The following GALNT13 variants were observed in gnomAD, a reference collection of about 807,000 sequenced individuals.
GALNT13 encodes polypeptide N-acetylgalactosaminyltransferase 13, also known as UDP-GalNAc:polypeptide N-acetylgalactosaminyltransferase 13.
GALNT13 carries 28 observed loss-of-function variants against 64.2 expected under a neutral mutation model. The observed-to-expected ratio is 0.44, with a 90% CI of 0.32 to 0.60. The LOEUF is 0.60. Among genes scored for constraint, GALNT13 ranks in the 20% least tolerant of loss-of-function variants. The pLI, the probability that GALNT13 is intolerant of heterozygous loss-of-function variation, is 0.05. For missense variants in GALNT13, 577 were observed against 669.8 expected (o/e 0.86, Z 1.53); for synonymous variants, 214 against 224.6 (o/e 0.95, Z 0.42).
intron 3 of GALNT13, among the ~76,000 whole-genome samples, chr2:154,084,938 G>A (rs2105423810): frequency 6.6e-6 from 1 of 151,858 alleles, no homozygotes; most frequent in South Asian, 2.1e-4. Flanking sequence ...TCCTCAGTAA[G>A]GCAATTTAAT....
chr2:154,127,092 G>A (rs889079583), intron 3 of GALNT13, among the ~76,000 whole-genome samples: 1 of 151,926 alleles, frequency 6.6e-6, no homozygotes, highest in Non-Finnish European at 1.5e-5. Flanking sequence ...TTAAAAAAAA[G>A]TTTCATATTA....
At chr2:154,129,819 T>A (rs570344060) in intron 3 of GALNT13, among the ~76,000 whole-genome samples, 1 of 152,146 alleles carries the variant, frequency 6.6e-6, no homozygotes, top group Non-Finnish European at 1.5e-5. Flanking sequence ...GCGAGAGGAC[T>A]GTTAATGTAC....
chr2:153,902,123 A>G (rs956750959), intron 2 of GALNT13, among the ~76,000 whole-genome samples: 1 of 152,078 alleles, frequency 6.6e-6, no homozygotes, highest in African/African-American at 2.4e-5. Context: ...ACCCCTGTAC[A>G]CTTTATTTCT....
chr2:153,153,770 G>A, the GALNT13 span, among the ~76,000 whole-genome samples: 1 of 133,668 alleles, frequency 7.5e-6, no homozygotes, highest in Non-Finnish European at 1.6e-5. Context: ...GTCTGTTTTT[G>A]TACCTGTACC....
chr2:154,397,544 G>T (rs1574232962), intron 10 of GALNT13, among the ~76,000 whole-genome samples: 1 of 152,194 alleles, frequency 6.6e-6, no homozygotes, highest in Admixed American at 6.5e-5. Context: ...TAGAATATCT[G>T]AAAATGTATA....
chr2:154,337,245 C>T (rs892211409), intron 9 of GALNT13, among the ~76,000 whole-genome samples: 1 of 151,972 alleles, frequency 6.6e-6, no homozygotes, highest in Non-Finnish European at 1.5e-5. Context: ...ACCAAGTAAA[C>T]TTAAAATGTG....
At chr2:153,728,084 T>A in the GALNT13 span, among the ~76,000 whole-genome samples, 1 of 152,346 alleles carries the variant, frequency 6.6e-6, no homozygotes, top group African/African-American at 2.4e-5. Context: ...TCATTCTTTT[T>A]TATGGCTGCA....
chr2:154,319,658 C>A (rs13382192), intron 9 of GALNT13, among the ~76,000 whole-genome samples: 15 of 141,338 alleles, frequency 1.1e-4, no homozygotes, highest in African/African-American at 3.9e-4. Flanking sequence ...AAGCAAGACT[C>A]TGAAAAAAAA....
the GALNT13 span, among the ~76,000 whole-genome samples, chr2:153,095,177 C>G: frequency 6.6e-6 from 1 of 152,164 alleles, no homozygotes; most frequent in South Asian, 2.1e-4. Flanking sequence ...ACAAAGAACT[C>G]CAACAAATTT....
At chr2:153,304,454 T>A in the GALNT13 span, among the ~76,000 whole-genome samples, 1 of 152,152 alleles carries the variant, frequency 6.6e-6, no homozygotes, top group Non-Finnish European at 1.5e-5. Context: ...GTTACTCAAG[T>A]ATTCTCCAAT....
At chr2:154,073,366 A>C (rs1422483306) in intron 3 of GALNT13, among the ~76,000 whole-genome samples, 5 of 151,980 alleles carry the variant, frequency 3.3e-5, no homozygotes, top group African/African-American at 1.2e-4. Flanking sequence ...TTCTGTGAAA[A>C]TATAGGAAGT....
rs1690545960 is a variant in GALNT13, at chr2:154,259,066, C to T, written c.903C>T (p.Tyr301=). Residue 301 remains tyrosine, a synonymous_variant, in exon 8 of 13, where the codon TAC becomes TAT. Transcript: ENST00000392825. ...AGGLFSIDRN[Y]FEEIGTYDAG... is the part of the protein sequence containing the mutation. The stretch of plus-strand genomic sequence containing the variant: ...GCCTATTTTCTATTGACAGAAACTA[C>T]TTTGAAGAGATAGGAACTTACGATG... 2 of 1,609,910 alleles carry T rather than the reference C, an allele frequency of 1.2e-6. No homozygotes were observed. Among genetic ancestry groups the T allele is most frequent in the East Asian group, 4.5e-5 (2 of 44,762 alleles).
chr2:154,029,658 C>G (rs1246911951), intron 3 of GALNT13, among the ~76,000 whole-genome samples: 1 of 151,958 alleles, frequency 6.6e-6, no homozygotes, highest in Non-Finnish European at 1.5e-5. Context: ...ACAAAATGTA[C>G]AAGACGTGTA....
the GALNT13 span, among the ~76,000 whole-genome samples, chr2:153,399,973 T>G: frequency 3.3e-5 from 5 of 151,220 alleles, no homozygotes; most frequent in East Asian, 5.8e-4. Flanking sequence ...TGAATAGGAG[T>G]GGTGAGAGAG....
At chr2:154,024,153 G>A (rs1429708584) in intron 3 of GALNT13, among the ~76,000 whole-genome samples, 1 of 151,984 alleles carries the variant, frequency 6.6e-6, no homozygotes, top group Non-Finnish European at 1.5e-5. Context: ...CAACTTTGGT[G>A]AATCTGACAG....
At position 154,137,115 on chromosome 2, in the gene GALNT13, G is replaced by A. The variant is rs183016271; in HGVS notation, c.143-3222G>A. Among the ~76,000 whole-genome samples the A allele has an allele frequency of 2.8e-3, 419 of 151,254 alleles. 1 individual carries two copies. The highest frequency in any genetic ancestry group is 3.4e-3 in the South Asian group (16 of 4,740). On this transcript the variant is annotated intron_variant, in intron 3 of 12. Transcript: ENST00000392825. Reference sequence around the variant, plus strand: ...CAGTGATAAGTCACAACACCCAACTGCTTATTCTTTCCCATTTGTTATTTA... The same window carrying A: ...CAGTGATAAGTCACAACACCCAACTACTTATTCTTTCCCATTTGTTATTTA...
chr2:154,225,525 A>G (rs1043619756), intron 4 of GALNT13, among the ~76,000 whole-genome samples: 38 of 152,102 alleles, frequency 2.5e-4, no homozygotes, highest in African/African-American at 8.7e-4. Flanking sequence ...AGCTCCAAGT[A>G]TGTGAAAAAA....
At chr2:153,780,781 A>G in the GALNT13 span, among the ~76,000 whole-genome samples, 1 of 152,094 alleles carries the variant, frequency 6.6e-6, no homozygotes, top group Admixed American at 6.6e-5. Context: ...CAGCAAAAAT[A>G]TTGCCTGCTC....
At chr2:153,598,069 A>C in the GALNT13 span, among the ~76,000 whole-genome samples, 12 of 152,242 alleles carry the variant, frequency 7.9e-5, no homozygotes, top group African/African-American at 2.9e-4. Context: ...ATGAAGTATA[A>C]AACTGTTAAA....
Sources: allele counts gnomAD v4.1 joint callset (sites outside exome capture counted in the v4.1 genomes callset), GRCh38; gene constraint gnomAD v4.1.1; transcripts MANE v1.5; gene names NCBI Gene and HGNC (gene_info 2026-07-23, HGNC 2026-07-21).